CALCR: variants seen among roughly 807,000 people sequenced by gnomAD.
CALCR encodes the protein calcitonin receptor.
A neutral mutation model predicts 59.5 loss-of-function variants in CALCR; 47 were observed. The ratio of observed to expected loss-of-function variants is 0.79; its 90% confidence interval spans 0.63 to 1.01. The LOEUF is 1.01. CALCR is among the 50% of genes least tolerant of loss of function. CALCR has a pLI of 0.00. For synonymous variants in CALCR, 213 were observed against 211.3 expected (o/e 1.01, Z -0.07); for missense variants, 566 against 597.1 (o/e 0.95, Z 0.54).
chr7:93,551,198 A>G (rs1789447385), intron 2 of CALCR, among the ~76,000 whole-genome samples: 2 of 152,228 alleles, frequency 1.3e-5, no homozygotes, highest in Non-Finnish European at 1.5e-5. Context: ...AAGTTGAAGA[A>G]AATTCTTTTT....
intron 2 of CALCR, among the ~76,000 whole-genome samples, chr7:93,535,022 T>C (rs1198431330): frequency 1.3e-5 from 2 of 151,660 alleles, no homozygotes; most frequent in Admixed American, 1.3e-4. Flanking sequence ...ATAATTAAAT[T>C]AGTCAGTAAT....
chr7:93,489,690 C>A (rs1801031784), intron 2 of CALCR, among the ~76,000 whole-genome samples: 1 of 151,046 alleles, frequency 6.6e-6, no homozygotes, highest in Non-Finnish European at 1.5e-5. Flanking sequence ...TTCCTGGTAA[C>A]CTCCCAAGAC....
intron 2 of CALCR, among the ~76,000 whole-genome samples, chr7:93,506,468 A>C (rs574198514): frequency 1.3e-5 from 2 of 152,288 alleles, no homozygotes; most frequent in African/African-American, 4.8e-5. Flanking sequence ...AATGCTACTT[A>C]GTGTATTTCC....
intron 2 of CALCR, among the ~76,000 whole-genome samples, chr7:93,524,195 A>G (rs536583363): frequency 6.1e-4 from 88 of 143,166 alleles, no homozygotes; most frequent in Non-Finnish European, 1.2e-3. Context: ...TTTTGAGACG[A>G]GTTTCGCTCT....
At chr7:93,486,313 A>G (rs1467537157) in intron 3 of CALCR, among the ~76,000 whole-genome samples, 3 of 151,644 alleles carry the variant, frequency 2.0e-5, no homozygotes, top group Non-Finnish European at 3.0e-5. Flanking sequence ...AGATGATTAT[A>G]TTTCCGATTA....
chr7:93,452,458 A>G (rs1348238583), intron 8 of CALCR, among the ~76,000 whole-genome samples: 1 of 152,030 alleles, frequency 6.6e-6, no homozygotes, highest in Non-Finnish European at 1.5e-5. Context: ...ACAGTCTTTA[A>G]AGCCAGCTGA....
At position 93,436,077 on chromosome 7, in the gene CALCR, C is replaced by T; in HGVS notation, c.1024G>A (p.Val342Met). 6.2e-7 allele frequency: 1 copy of T among 1,614,086 alleles called. No individual in the cohort carries two copies. Among genetic ancestry groups the T allele is most frequent in the South Asian group, 1.1e-5 (1 of 91,082 alleles). Residue 342 changes from valine to methionine, a missense_variant, in exon 12 of 14, where the codon GTG (valine) becomes ATG (methionine). Physicochemically the swap from Val to Met is conservative, Grantham distance 21. Transcript: ENST00000426151. ...EAESHMYLKA[V>M]KATMILVPLL... is the part of the protein sequence containing the mutation. The stretch of plus-strand genomic sequence containing the variant: ...GGCACAAGGATCATGGTGGCCTTCA[C>T]AGCCTTCAGGTACATGTGGGATTCC...
intron 2 of CALCR, among the ~76,000 whole-genome samples, chr7:93,561,307 T>C (rs545645997): frequency 6.6e-6 from 1 of 152,184 alleles, no homozygotes; most frequent in South Asian, 2.1e-4. Flanking sequence ...TTTTCAAGTG[T>C]AGCCTGCATC....
intron 3 of CALCR, among the ~76,000 whole-genome samples, chr7:93,481,749 T>C (rs1223495047): frequency 6.6e-6 from 1 of 151,896 alleles, no homozygotes; most frequent in African/African-American, 2.4e-5. Flanking sequence ...TTAAACATTT[T>C]GTTGATTTCT....
chr7:93,479,445 T>A lies in CALCR; in HGVS notation c.114A>T (p.Pro38=). Residue 38 remains proline, a synonymous_variant, in exon 4 of 14, where the codon CCA becomes CCT. Transcript: ENST00000426151. The stretch of plus-strand genomic sequence containing the variant: ...TCTTTCGTCCTACGACGTAAAGAAA[T>A]GGCTTGGGCTCTATTGTTGGATAGG... ...NQTYPTIEPK[P]FLYVVGRKKM... 8.7e-6 allele frequency: 14 copies of A among 1,612,646 alleles called. No individual in the cohort carries two copies. The highest frequency in any genetic ancestry group is 1.1e-5 in the Non-Finnish European group (13 of 1,179,096).
At position 93,488,409 on chromosome 7, in the gene CALCR, C is replaced by T. The variant is rs538529872; in HGVS notation, c.-26-1402G>A. Among the ~76,000 whole-genome samples the T allele has an allele frequency of 6.1e-4, 92 of 151,124 alleles. 1 individual carries two copies. The highest frequency in any genetic ancestry group is 2.1e-4 in the South Asian group (1 of 4,796). On this transcript the variant is annotated intron_variant, in intron 2 of 13. Coordinates refer to ENST00000426151, the MANE Select transcript of CALCR (RefSeq NM_001742.4). The stretch of plus-strand genomic sequence containing the variant: ...TGGATCAAATTCACACATAAGAATG[C>T]TAACCTTAAATGTAAATGGGCTAAA...
intron 2 of CALCR, among the ~76,000 whole-genome samples, chr7:93,507,469 G>C (rs1049585736): frequency 7.2e-5 from 11 of 152,048 alleles, no homozygotes; most frequent in Non-Finnish European, 1.6e-4. Context: ...GGGGCCCTCA[G>C]TGTAGGGTTT....
intron 2 of CALCR, among the ~76,000 whole-genome samples, chr7:93,522,190 G>C (rs1397786267): frequency 6.6e-6 from 1 of 152,016 alleles, no homozygotes; most frequent in Non-Finnish European, 1.5e-5. Flanking sequence ...TAAAAATTGA[G>C]TATCCAATAT....
At chr7:93,571,409 T>C (rs944788386) in intron 2 of CALCR, among the ~76,000 whole-genome samples, 3 of 152,020 alleles carry the variant, frequency 2.0e-5, no homozygotes, top group African/African-American at 4.8e-5. Context: ...TAAAAAAATA[T>C]AACACATAGA....
At position 93,498,497 on chromosome 7, in the gene CALCR, G is replaced by A. The variant is rs371471078; in HGVS notation, c.-26-11490C>T. ...AACCTCACGTATACTTTATAGTATC[G>A]GAACTCTAATAGCAGCCATGATAAA... On this transcript the variant is annotated intron_variant, in intron 2 of 13. Coordinates refer to ENST00000426151, the MANE Select transcript of CALCR (RefSeq NM_001742.4). Among the ~76,000 whole-genome samples, 20 of 151,594 alleles carry A rather than the reference G, an allele frequency of 1.3e-4. No homozygotes were observed. In the East Asian group the frequency reaches 2.9e-3, roughly 22 times the overall value.
chr7:93,426,525 C>A lies in CALCR; in HGVS notation c.1256G>T (p.Arg419Met), dbSNP rs1371439300. 1.2e-6 allele frequency: 2 copies of A among 1,613,846 alleles called. No homozygotes were observed. The highest frequency in any genetic ancestry group is 1.7e-6 in the Non-Finnish European group (2 of 1,179,816). The change falls in exon 14 of 14, where the codon AGG becomes ATG. Residue 419 changes from arginine (R) to methionine (M), a missense_variant. Transcript: ENST00000426151. ...GCGAGCAGAGCGGTTGGAGGGGCGC[C>A]TCCCCCAACGCTGGTTCCACTGAAT... ...FKIQWNQRWGRRPSNRSARAA... is the reference protein window; with the variant it reads ...FKIQWNQRWGMRPSNRSARAA...
intron 7 of CALCR, 152 bp from the exon 8 acceptor site, chr7:93,461,099 A>G (rs1186179342): frequency 4.8e-6 from 3 of 625,166 alleles, no homozygotes; most frequent in Non-Finnish European, 7.9e-6. Flanking sequence ...TTTCAGATTT[A>G]TTCCTACTTT....
In CALCR at chr7:93,424,516, AG is replaced by A. The variant is rs1356477034; in HGVS notation, c.*1839del. On this transcript the variant is annotated 3_prime_UTR_variant, in exon 14 of 14. Coordinates refer to ENST00000426151, the MANE Select transcript of CALCR (RefSeq NM_001742.4). ...GAAAAGATGAATAATATATTTCTTT[AG>A]AAAAATATGCAAATATACATCTTTT... 1 of 152,538 alleles carries A rather than the reference AG, an allele frequency of 6.6e-6. No individual in the cohort carries two copies. The highest frequency in any genetic ancestry group is 1.5e-5 in the Non-Finnish European group (1 of 68,012). 9.4% of individuals were successfully genotyped at this position (152,538 alleles called of 1,614,324 possible).
chr7:93,505,225 A>G (rs1283400033), intron 2 of CALCR, among the ~76,000 whole-genome samples: 2 of 152,128 alleles, frequency 1.3e-5, no homozygotes, highest in African/African-American at 4.8e-5. Context: ...CCCCCCAAAA[A>G]TAGTTTGAGT....
Sources: gnomAD v4.1 joint callset for allele counts (sites outside exome capture counted in the v4.1 genomes callset) on GRCh38, gnomAD v4.1.1 for gene constraint, MANE v1.5 for transcripts, NCBI Gene and HGNC (gene_info 2026-07-23, HGNC 2026-07-21) for gene names.